SORCS2: variants seen among roughly 807,000 people sequenced by gnomAD.
SORCS2 encodes VPS10 domain-containing receptor SorCS2.
A neutral mutation model predicts 141.6 loss-of-function variants in SORCS2; 100 were observed. The observed-to-expected ratio is 0.71, with a 90% CI of 0.60 to 0.83. The LOEUF (loss-of-function observed/expected upper bound fraction) is 0.83, where lower values mean the gene tolerates loss of function less well. Among genes scored for constraint, SORCS2 ranks in the 40% least tolerant of loss-of-function variants. The pLI, the probability that SORCS2 is intolerant of heterozygous loss-of-function variation, is 0.00. For missense variants in SORCS2, 1,646 were observed against 1,560.2 expected, an observed-to-expected ratio of 1.05 and a Z score of -0.93; for synonymous variants, 789 against 676.9, an observed-to-expected ratio of 1.17 and a Z score of -2.57.
At chr4:7,433,101 G>C (rs527980462) in intron 2 of SORCS2, 5 of 422,534 alleles carry the variant, frequency 1.2e-5, no homozygotes, top group African/African-American at 1.0e-4. Context: ...AGTGTGTTCC[G>C]GTCCAGTAGA....
intron 3 of SORCS2, among the ~76,000 whole-genome samples, chr4:7,627,097 T>G (rs1224165235): frequency 6.6e-6 from 1 of 152,206 alleles, no homozygotes; most frequent in Non-Finnish European, 1.5e-5. Flanking sequence ...GAGATCCTCC[T>G]GCCTCAGCTT....
At chr4:7,436,484 G>A (rs1039400436) in intron 2 of SORCS2, among the ~76,000 whole-genome samples, 4 of 152,212 alleles carry the variant, frequency 2.6e-5, no homozygotes, top group Admixed American at 6.5e-5. Context: ...CCCCCACGGC[G>A]CTGCCTTGGT....
At chr4:7,688,756 C>A (rs1268185941) in intron 10 of SORCS2, among the ~76,000 whole-genome samples, 1 of 152,172 alleles carries the variant, frequency 6.6e-6, no homozygotes, top group African/African-American at 2.4e-5. Context: ...CCCACAAAGC[C>A]TTTTGGCATC....
At chr4:7,724,808 A>G (rs1352899362) in intron 19 of SORCS2, among the ~76,000 whole-genome samples, 4 of 138,718 alleles carry the variant, frequency 2.9e-5, no homozygotes, top group Admixed American at 7.0e-5. Context: ...GATGGTGGTG[A>G]TGGTGGTGGT....
At chr4:7,629,421 G>A (rs6847389) in intron 3 of SORCS2, among the ~76,000 whole-genome samples, 1 of 152,012 alleles carries the variant, frequency 6.6e-6, no homozygotes, top group East Asian at 1.9e-4. Flanking sequence ...AAACAAGTCA[G>A]AGAGGCTGTG....
intron 11 of SORCS2, among the ~76,000 whole-genome samples, chr4:7,695,624 ATGGATGGGTGGG>A (rs1724601808): frequency 3.4e-5 from 2 of 59,136 alleles, no homozygotes; most frequent in East Asian, 7.9e-4. Context: ...GGATGGATGG[ATGGATGGGTGGG>A]TGGATGGATG....
intron 2 of SORCS2, among the ~76,000 whole-genome samples, chr4:7,480,645 G>A (rs1730573600): frequency 6.6e-6 from 1 of 152,238 alleles, no homozygotes; most frequent in Non-Finnish European, 1.5e-5. Context: ...GGGATGGCAG[G>A]TGCCCCGGGT....
intron 2 of SORCS2, among the ~76,000 whole-genome samples, chr4:7,412,041 T>C (rs1725358018): frequency 1.3e-5 from 2 of 152,238 alleles, no homozygotes; most frequent in Middle Eastern, 3.2e-3. Flanking sequence ...CCAGCCATCC[T>C]TCTGTAATCC....
Position 7,556,252 on chromosome 4 carries a change from C to T in SORCS2, c.648+24623C>T, listed in dbSNP as rs116546058. Among the ~76,000 whole-genome samples the T allele has an allele frequency of 9.2e-3, 1,398 of 152,222 alleles. 25 individuals carry two copies. The highest frequency in any genetic ancestry group is 0.032 in the African/African-American group (1,314 of 41,516). On this transcript the variant is annotated intron_variant, in intron 3 of 26. Transcript: ENST00000507866. ...GTCCTCCTTCCTGAAGCCTGAGACA[C>T]TGGAGGAAGAGTGGGCTTGTGAGGA...
intron 1 of SORCS2, among the ~76,000 whole-genome samples, chr4:7,223,251 T>C (rs62289707): frequency 0.24 from 37,054 of 151,948 alleles, 4,607 homozygotes; most frequent in East Asian, 0.3. Flanking sequence ...GCCTTCTCAT[T>C]GCATTTTTCT....
intron 1 of SORCS2, among the ~76,000 whole-genome samples, chr4:7,280,036 G>A (rs1261105185): frequency 1.3e-5 from 2 of 152,158 alleles, no homozygotes; most frequent in Non-Finnish European, 2.9e-5. Flanking sequence ...GTCGGCTGCA[G>A]CTTCTGATAA....
chr4:7,459,459 T>G (rs751466930), intron 2 of SORCS2, among the ~76,000 whole-genome samples: 73 of 152,270 alleles, frequency 4.8e-4, no homozygotes, highest in Non-Finnish European at 7.8e-4. Flanking sequence ...TAAAATGGGC[T>G]TTACCATTCA....
At chr4:7,494,423 G>C (rs945962460) in intron 2 of SORCS2, among the ~76,000 whole-genome samples, 8 of 152,160 alleles carry the variant, frequency 5.3e-5, no homozygotes, top group Non-Finnish European at 1.0e-4. Context: ...CTTAATTCTG[G>C]AGGCTGGAAG....
intron 25 of SORCS2, 27 bp downstream of exon 25, chr4:7,734,401 C>T (rs13105903): frequency 0.087 from 126,099 of 1,452,916 alleles, 5,665 homozygotes; most frequent in African/African-American, 0.096. Context: ...CCCTCCTCTG[C>T]GGGGCTCTGA....
intron 2 of SORCS2, among the ~76,000 whole-genome samples, chr4:7,401,794 C>T (rs1457960582): frequency 5.3e-5 from 8 of 152,158 alleles, no homozygotes; most frequent in Admixed American, 1.3e-4. Context: ...GGGGCAGTCT[C>T]AGGATAATTG....
intron 1 of SORCS2, among the ~76,000 whole-genome samples, chr4:7,198,826 G>A (rs1727322447): frequency 6.6e-6 from 1 of 152,178 alleles, no homozygotes; most frequent in Non-Finnish European, 1.5e-5. Context: ...AGCACATGGG[G>A]ACATGCAGAG....
chr4:7,446,410 A>G (rs553517716), intron 2 of SORCS2, among the ~76,000 whole-genome samples: 7 of 152,206 alleles, frequency 4.6e-5, no homozygotes, highest in African/African-American at 1.7e-4. Context: ...GCTTCAATAT[A>G]TGAATTTTAG....
intron 1 of SORCS2, among the ~76,000 whole-genome samples, chr4:7,366,456 C>G (rs1023933145): frequency 8.2e-6 from 1 of 121,928 alleles, no homozygotes; most frequent in Non-Finnish European, 1.8e-5. Flanking sequence ...ACGGTGGATG[C>G]CCCCTTTAGC....
At chr4:7,635,423 C>A (rs1332464076) in intron 3 of SORCS2, among the ~76,000 whole-genome samples, 1 of 152,322 alleles carries the variant, frequency 6.6e-6, no homozygotes, top group East Asian at 1.9e-4. Context: ...CCTTCTAGCG[C>A]CACCACTTAA....
Sources: gnomAD v4.1 joint callset for allele counts (sites outside exome capture counted in the v4.1 genomes callset) on GRCh38, gnomAD v4.1.1 for gene constraint, MANE v1.5 for transcripts, NCBI Gene and HGNC (gene_info 2026-07-23, HGNC 2026-07-21) for gene names.